Variants in ENTREP2 observed in about 807,000 individuals in gnomAD.
ENTREP2 encodes endosomal transmembrane epsin interactor 2.
the ENTREP2 span, among the ~76,000 whole-genome samples, chr15:29,158,395 T>TAG: frequency 1.4e-5 from 2 of 141,316 alleles, no homozygotes; most frequent in Non-Finnish European, 3.0e-5. Flanking sequence ...TTAAATGACA[T>TAG]TATCTCTGCC....
At chr15:29,134,605 C>A in the ENTREP2 span, among the ~76,000 whole-genome samples, 1 of 152,204 alleles carries the variant, frequency 6.6e-6, no homozygotes, top group African/African-American at 2.4e-5. Flanking sequence ...TATGACTCCA[C>A]AGGGCACAGA....
the ENTREP2 span, among the ~76,000 whole-genome samples, chr15:29,364,730 T>C: frequency 6.6e-6 from 1 of 152,158 alleles, no homozygotes; most frequent in Non-Finnish European, 1.5e-5. Flanking sequence ...CTTTAAAAAT[T>C]TTTTTTAATT....
the ENTREP2 span, among the ~76,000 whole-genome samples, chr15:29,487,088 T>C: frequency 2.6e-5 from 4 of 152,246 alleles, no homozygotes; most frequent in African/African-American, 9.6e-5. Flanking sequence ...ATGCTAATTA[T>C]CCTGATTCGA....
the ENTREP2 span, chr15:29,122,398 G>A: frequency 6.6e-6 from 1 of 151,880 alleles, no homozygotes; most frequent in Non-Finnish European, 1.5e-5. Context: ...GCTGCCGCAT[G>A]CCCGGGGAAA....
the ENTREP2 span, among the ~76,000 whole-genome samples, chr15:29,415,004 T>A: frequency 6.6e-6 from 1 of 152,182 alleles, no homozygotes; most frequent in Non-Finnish European, 1.5e-5. Context: ...ATTGAGGCAA[T>A]AATTAATAGC....
At chr15:29,304,813 C>T in the ENTREP2 span, among the ~76,000 whole-genome samples, 1 of 152,174 alleles carries the variant, frequency 6.6e-6, no homozygotes, top group African/African-American at 2.4e-5. Flanking sequence ...GCTCTTAGAA[C>T]TGTCAGTCCC....
At chr15:29,433,122 G>A in the ENTREP2 span, among the ~76,000 whole-genome samples, 544 of 152,236 alleles carry the variant, frequency 3.6e-3, 6 homozygotes, top group African/African-American at 0.012. Context: ...GCCAGCCCCC[G>A]ACGGTCCTGG....
At chr15:29,571,249 C>G in the ENTREP2 span, among the ~76,000 whole-genome samples, 1 of 152,130 alleles carries the variant, frequency 6.6e-6, no homozygotes, top group Admixed American at 6.5e-5. Flanking sequence ...GGCGGCAGCG[C>G]ATCAAGGGCA....
chr15:29,212,061 C>T, the ENTREP2 span, among the ~76,000 whole-genome samples: 15 of 152,064 alleles, frequency 9.9e-5, no homozygotes, highest in African/African-American at 3.4e-4. Flanking sequence ...GTACCAATTC[C>T]TTTTTGAATA....
the ENTREP2 span, among the ~76,000 whole-genome samples, chr15:29,130,289 G>A: frequency 6.6e-6 from 1 of 152,154 alleles, no homozygotes; most frequent in Non-Finnish European, 1.5e-5. Flanking sequence ...CTGCTGGGAG[G>A]GAATCGGTGA....
chr15:29,596,295 A>C, the ENTREP2 span, among the ~76,000 whole-genome samples: 2 of 152,156 alleles, frequency 1.3e-5, no homozygotes, highest in Admixed American at 1.3e-4. Context: ...GTTCCTACTG[A>C]ATGCTTCACC....
the ENTREP2 span, among the ~76,000 whole-genome samples, chr15:29,150,884 G>T: frequency 6.6e-6 from 1 of 151,980 alleles, no homozygotes; most frequent in African/African-American, 2.4e-5. Flanking sequence ...GGTCTCAAAG[G>T]GGCAAATTGA....
the ENTREP2 span, chr15:29,376,125 G>A: frequency 2.0e-5 from 3 of 151,344 alleles, no homozygotes; most frequent in African/African-American, 7.3e-5. Context: ...TAACTAATTT[G>A]TTATTGGTAA....
the ENTREP2 span, among the ~76,000 whole-genome samples, chr15:29,336,927 A>G: frequency 6.6e-6 from 1 of 152,058 alleles, no homozygotes; most frequent in African/African-American, 2.4e-5. Context: ...TGCTGTGTGC[A>G]TGGCTTTTCT....
the ENTREP2 span, among the ~76,000 whole-genome samples, chr15:29,271,763 C>T: frequency 2.0e-5 from 3 of 152,048 alleles, no homozygotes; most frequent in Admixed American, 6.5e-5. Context: ...TTGGGGAGCT[C>T]GGATTTTAAG....
At chr15:29,244,456 G>A in the ENTREP2 span, among the ~76,000 whole-genome samples, 7 of 152,280 alleles carry the variant, frequency 4.6e-5, no homozygotes, top group South Asian at 6.2e-4. Context: ...GGGTCACATC[G>A]GGTCTGGGCT....
the ENTREP2 span, among the ~76,000 whole-genome samples, chr15:29,447,606 A>G: frequency 6.6e-6 from 1 of 150,556 alleles, no homozygotes; most frequent in East Asian, 2.0e-4. Flanking sequence ...CTGGGACTAC[A>G]GGTGCATGCC....
the ENTREP2 span, among the ~76,000 whole-genome samples, chr15:29,450,687 C>T: frequency 2.6e-5 from 4 of 152,200 alleles, no homozygotes; most frequent in East Asian, 3.9e-4. Context: ...CAACACTATT[C>T]ACAATAGCAA....
the ENTREP2 span, among the ~76,000 whole-genome samples, chr15:29,329,189 C>T: frequency 2.0e-5 from 3 of 151,580 alleles, no homozygotes; most frequent in South Asian, 4.2e-4. Flanking sequence ...GGTGAAACCC[C>T]GTCTCTACTA....
Sources: gnomAD v4.1 joint callset for allele counts (sites outside exome capture counted in the v4.1 genomes callset) on GRCh38, gnomAD v4.1.1 for gene constraint, MANE v1.5 for transcripts, NCBI Gene and HGNC (gene_info 2026-07-23, HGNC 2026-07-21) for gene names.